Variants in ITGAV observed in about 807,000 individuals in gnomAD.
ITGAV encodes integrin subunit alpha V.
ITGAV carries 76 observed loss-of-function variants against 143.8 expected under a neutral mutation model. The ratio of observed to expected loss-of-function variants is 0.53; its 90% CI spans 0.44 to 0.64. The LOEUF (loss-of-function observed/expected upper bound fraction) is 0.64. Ranked by LOEUF, ITGAV falls within the 30% of genes least tolerant of loss-of-function variation. The pLI is 0.00. For synonymous variants in ITGAV, 453 were observed against 446.7 expected (o/e 1.01, Z -0.18); for missense variants, 1,193 against 1,274.7 (o/e 0.94, Z 0.98).
intron 4 of ITGAV, among the ~76,000 whole-genome samples, 170 bp from the exon 5 acceptor site, chr2:186,630,627 T>C (rs1302815373): frequency 1.3e-5 from 2 of 152,060 alleles, no homozygotes; most frequent in Non-Finnish European, 2.9e-5. Flanking sequence ...ATGGTGCTGA[T>C]AAACATGCAT....
chr2:186,641,211 T>C (rs529017074), intron 11 of ITGAV, 175 bp from the exon 12 acceptor site: 9 of 622,330 alleles, frequency 1.4e-5, no homozygotes, highest in Admixed American at 3.0e-5. Context: ...TCATAGTTTC[T>C]TAAAAGAATT....
intron 2 of ITGAV, among the ~76,000 whole-genome samples, chr2:186,610,013 A>G (rs1203117251): frequency 2.0e-5 from 3 of 152,158 alleles, no homozygotes; most frequent in Non-Finnish European, 4.4e-5. Context: ...CCCCATAGGG[A>G]CATCTTGGAC....
chr2:186,614,361 ACT>A (rs1006324186), intron 2 of ITGAV, among the ~76,000 whole-genome samples: 104 of 152,034 alleles, frequency 6.8e-4, no homozygotes, highest in African/African-American at 2.4e-3. Flanking sequence ...GTTATAATTT[ACT>A]CTGTCTCCTG....
At position 186,649,833 on chromosome 2, in the gene ITGAV, T is replaced by G. The variant is rs1285880686; in HGVS notation, c.1352-7T>G. 1 of 1,577,532 alleles carries G rather than the reference T, an allele frequency of 6.3e-7. No individual in the cohort carries two copies. Among genetic ancestry groups the G allele is most frequent in the African/African-American group, 1.4e-5 (1 of 73,566 alleles). ...ATTATTAACATGTTTTTCCACTCTTTCTTAAGACTTAATTGTAGGAGCTTT... is the reference window on the plus strand; with the variant it reads ...ATTATTAACATGTTTTTCCACTCTTGCTTAAGACTTAATTGTAGGAGCTTT... On this transcript the variant is annotated splice_region_variant and splice_polypyrimidine_tract_variant and intron_variant, in intron 13 of 29. Coordinates refer to ENST00000261023, the MANE Select transcript of ITGAV (RefSeq NM_002210.5).
chr2:186,648,254 A>G (rs984480222), intron 13 of ITGAV, among the ~76,000 whole-genome samples: 2 of 152,012 alleles, frequency 1.3e-5, no homozygotes, highest in African/African-American at 4.8e-5. Context: ...AAGTGTGTGC[A>G]CTTCTTTTTT....
chr2:186,667,740 A>G lies in ITGAV; in HGVS notation c.2397A>G (p.Glu799=). ...NWEHKENPET[E]EDVGPVVQHI... Reference sequence around the variant, plus strand: ...AGCACAAGGAGAACCCTGAGACTGAAGAAGATGTTGGGCCAGTTGTTCAGC... The same window carrying G: ...AGCACAAGGAGAACCCTGAGACTGAGGAAGATGTTGGGCCAGTTGTTCAGC... The change falls in exon 24 of 30, where the codon GAA becomes GAG. Residue 799 remains glutamate, a synonymous_variant. Transcript: ENST00000261023. 6.2e-7 allele frequency: 1 copy of G among 1,611,026 alleles called. No homozygotes were observed. The highest frequency in any genetic ancestry group is 1.3e-5 in the African/African-American group (1 of 74,960).
At chr2:186,638,631 CGTGTGTGTGTGTGTGTGT>C (rs34535817) in intron 10 of ITGAV, among the ~76,000 whole-genome samples, 166 bp downstream of exon 10, 30 of 144,690 alleles carry the variant, frequency 2.1e-4, no homozygotes, top group Admixed American at 3.4e-4. Flanking sequence ...CTCTTTTGAG[CGTGTGTGTGTGTGTGTGT>C]GTGTGTGTGT....
At chr2:186,628,909 T>G (rs1196018630) in intron 4 of ITGAV, among the ~76,000 whole-genome samples, 2 of 152,090 alleles carry the variant, frequency 1.3e-5, no homozygotes, top group Non-Finnish European at 2.9e-5. Context: ...ACTCTCTTAT[T>G]TACTAGCTGG....
chr2:186,617,644 A>G (rs975783699), intron 2 of ITGAV, among the ~76,000 whole-genome samples: 5 of 152,206 alleles, frequency 3.3e-5, no homozygotes, highest in African/African-American at 1.2e-4. Flanking sequence ...ATACAGAGCA[A>G]TTTCTTCTCA....
chr2:186,645,420 G>C (rs1688227792), intron 12 of ITGAV, among the ~76,000 whole-genome samples: 1 of 151,426 alleles, frequency 6.6e-6, no homozygotes, highest in South Asian at 2.1e-4. Flanking sequence ...TTAATAAACA[G>C]AAAAAAAGGC....
intron 26 of ITGAV, among the ~76,000 whole-genome samples, chr2:186,672,149 T>G (rs1333176374): frequency 6.6e-6 from 1 of 152,032 alleles, no homozygotes. Flanking sequence ...AGACGGGGTT[T>G]CACCATGTTA....
chr2:186,635,365 C>T (rs191551409), intron 6 of ITGAV, among the ~76,000 whole-genome samples: 12 of 152,178 alleles, frequency 7.9e-5, no homozygotes, highest in South Asian at 4.1e-4. Flanking sequence ...TTCTTGGTAC[C>T]GCTGAAGCCC....
chr2:186,664,367 C>T lies in ITGAV; in HGVS notation c.1926-127C>T, dbSNP rs951207970. 5.6e-6 allele frequency: 5 copies of T among 896,858 alleles called. No individual in the cohort carries two copies. In the African/African-American group the frequency reaches 8.3e-5, roughly 15 times the overall value. The allele number at this position is 896,858 out of a possible 1,614,324, so 55.6% of individuals were successfully genotyped here. A position where few individuals can be genotyped will look rare whatever the true frequency, so the allele number is the denominator to read the frequency against. On this transcript the variant is annotated intron_variant, in intron 19 of 29. Coordinates refer to ENST00000261023, the MANE Select transcript of ITGAV (RefSeq NM_002210.5). ...GTTTTCTATCAAGCTGTGAAGTAGT[C>T]TTAAAATACCTTGAGACACTGTTGA...
intron 16 of ITGAV, among the ~76,000 whole-genome samples, chr2:186,655,811 A>T (rs1319246778): frequency 6.6e-6 from 1 of 152,208 alleles, no homozygotes; most frequent in Non-Finnish European, 1.5e-5. Flanking sequence ...CAAACTGTTC[A>T]TTCATCATAG....
chr2:186,602,177 T>C, intron 2 of ITGAV, 26 bp downstream of exon 2: 1 of 1,592,628 alleles, frequency 6.3e-7, no homozygotes, highest in Admixed American at 1.8e-5. Context: ...CAATTTTCTT[T>C]TCATTGATTT....
Position 186,625,712 on chromosome 2 carries a change from T to G in ITGAV, c.523+125T>G, listed in dbSNP as rs191139314. On this transcript the variant is annotated intron_variant, in intron 4 of 29. Transcript: ENST00000261023. ...GAGATATTAAAAGATATAGACATAT[T>G]ATGATGATAACAAAATGAAAACAAT... is the stretch of plus-strand genomic sequence containing the variant. The G allele has an allele frequency of 1.5e-3, 743 of 481,738 alleles. 11 individuals carry two copies. The highest frequency in any genetic ancestry group is 0.013 in the African/African-American group (672 of 50,486). The allele number at this position is 481,738 out of a possible 1,614,324, so 29.8% of individuals were successfully genotyped here.
At chr2:186,606,384 AGT>A (rs1219403040) in intron 2 of ITGAV, among the ~76,000 whole-genome samples, 4 of 152,188 alleles carry the variant, frequency 2.6e-5, no homozygotes, top group African/African-American at 9.6e-5. Context: ...TCATCTCCCT[AGT>A]GCAGTATTCT....
rs897020055 is a variant in ITGAV, at chr2:186,680,554, T to C, written c.*3262T>C. The C allele has an allele frequency of 6.6e-6, 1 of 152,576 alleles. No individual in the cohort carries two copies. The highest frequency in any genetic ancestry group is 1.5e-5 in the Non-Finnish European group (1 of 67,988). 9.5% of individuals were successfully genotyped at this position (152,576 alleles called of 1,614,324 possible). ...CTAATATAAACAAATATTTGTATTA[T>C]TTTTGTTAGCAGGAAAGAGTGATTA... On this transcript the variant is annotated 3_prime_UTR_variant, in exon 30 of 30. Coordinates refer to ENST00000261023, the MANE Select transcript of ITGAV (RefSeq NM_002210.5).
chr2:186,619,741 A>G (rs1687471072), intron 2 of ITGAV, among the ~76,000 whole-genome samples: 1 of 152,208 alleles, frequency 6.6e-6, no homozygotes, highest in Admixed American at 6.5e-5. Context: ...CTGTAATCCC[A>G]GCACTTTGGG....
Sources: gnomAD v4.1 joint callset for allele counts (sites outside exome capture counted in the v4.1 genomes callset) on GRCh38, gnomAD v4.1.1 for gene constraint, MANE v1.5 for transcripts, NCBI Gene and HGNC (gene_info 2026-07-23, HGNC 2026-07-21) for gene names.